CNTN5: variants seen among roughly 807,000 people sequenced by gnomAD.
The protein encoded by CNTN5 is contactin 5.
CNTN5 carries 77 observed loss-of-function variants against 129.1 expected under a neutral mutation model. That is an observed-to-expected ratio of 0.60 (90% CI 0.50 to 0.72). The LOEUF is 0.72. Among genes scored for constraint, CNTN5 ranks in the 30% least tolerant of loss-of-function variants. CNTN5 has a pLI of 0.00. For synonymous variants in CNTN5, 509 were observed against 465.6 expected (o/e 1.09, Z -1.20); for missense variants, 1,478 against 1,328.8 (o/e 1.11, Z -1.75).
chr11:100,044,026 C>T (rs1203281712), intron 9 of CNTN5, among the ~76,000 whole-genome samples: 2 of 151,748 alleles, frequency 1.3e-5, no homozygotes, highest in African/African-American at 2.4e-5. Flanking sequence ...TTTCTTATCC[C>T]TCACCTTTCT....
chr11:99,375,302 C>CA (rs397848951), intron 2 of CNTN5, among the ~76,000 whole-genome samples: 1,740 of 52,930 alleles, frequency 0.033, 57 homozygotes, highest in African/African-American at 0.05. Context: ...GAGTCTGTCT[C>CA]AAAAAAAAAA....
chr11:99,626,784 A>G (rs1451433301), intron 3 of CNTN5, among the ~76,000 whole-genome samples: 1 of 152,152 alleles, frequency 6.6e-6, no homozygotes, highest in Non-Finnish European at 1.5e-5. Flanking sequence ...TGAAATATTC[A>G]CAACACAGTG....
At chr11:99,743,595 C>A (rs887010089) in intron 3 of CNTN5, among the ~76,000 whole-genome samples, 1 of 152,118 alleles carries the variant, frequency 6.6e-6, no homozygotes, top group Non-Finnish European at 1.5e-5. Flanking sequence ...GTTTCTTACA[C>A]CATCATACAT....
At chr11:100,134,509 T>G (rs950576355) in intron 13 of CNTN5, among the ~76,000 whole-genome samples, 1 of 152,312 alleles carries the variant, frequency 6.6e-6, no homozygotes, top group East Asian at 1.9e-4. Flanking sequence ...TAATAAATGA[T>G]AAACTGGAGT....
chr11:99,931,192 T>C (rs1474095815), intron 7 of CNTN5, among the ~76,000 whole-genome samples: 2 of 152,320 alleles, frequency 1.3e-5, no homozygotes, highest in Non-Finnish European at 2.9e-5. Context: ...AATATTTCAA[T>C]AGAAAAATGT....
intron 1 of CNTN5, among the ~76,000 whole-genome samples, chr11:99,084,013 A>C (rs1246713975): frequency 1.3e-5 from 2 of 152,206 alleles, no homozygotes. Flanking sequence ...TAATTGCTCT[A>C]TTTTACCAAT....
intron 9 of CNTN5, among the ~76,000 whole-genome samples, chr11:100,022,210 G>T (rs1017377264): frequency 2.6e-5 from 4 of 152,150 alleles, no homozygotes; most frequent in Non-Finnish European, 5.9e-5. Context: ...TTTGCAAGGT[G>T]TATTATTTAA....
chr11:100,189,845 T>A (rs1022729495), intron 13 of CNTN5, among the ~76,000 whole-genome samples: 1 of 152,126 alleles, frequency 6.6e-6, no homozygotes. Context: ...CCATTTCTAG[T>A]TTGACTTTTT....
chr11:99,664,587 T>G (rs1952716572), intron 3 of CNTN5, among the ~76,000 whole-genome samples: 1 of 152,322 alleles, frequency 6.6e-6, no homozygotes, highest in South Asian at 2.1e-4. Context: ...TTTATTACAT[T>G]AGAATTATAA....
chr11:99,747,030 A>G (rs1052500440), intron 3 of CNTN5, among the ~76,000 whole-genome samples: 6 of 152,210 alleles, frequency 3.9e-5, no homozygotes, highest in East Asian at 1.9e-4. Flanking sequence ...CATTGCAACA[A>G]TATTCATTCT....
At chr11:100,019,496 C>T (rs1242903018) in intron 9 of CNTN5, among the ~76,000 whole-genome samples, 2 of 151,930 alleles carry the variant, frequency 1.3e-5, no homozygotes, top group Admixed American at 1.3e-4. Flanking sequence ...CCTCCAGGTT[C>T]ATCCATGTTG....
intron 2 of CNTN5, among the ~76,000 whole-genome samples, chr11:99,523,983 G>A (rs1016888618): frequency 1.3e-5 from 2 of 152,150 alleles, no homozygotes; most frequent in African/African-American, 4.8e-5. Flanking sequence ...TTTCTCCAGA[G>A]CTGTGCCAAA....
intron 23 of CNTN5, among the ~76,000 whole-genome samples, chr11:100,344,465 A>G (rs1424255621): frequency 2.6e-5 from 4 of 152,112 alleles, no homozygotes; most frequent in Non-Finnish European, 4.4e-5. Context: ...AAAGATAGAG[A>G]CTGGTGGTTA....
At chr11:99,022,939 T>C (rs887231755) in intron 1 of CNTN5, among the ~76,000 whole-genome samples, 4 of 152,148 alleles carry the variant, frequency 2.6e-5, no homozygotes, top group African/African-American at 9.7e-5. Context: ...CATAGACAAC[T>C]GAACAGAAAG....
At chr11:99,120,215 A>T (rs1591225073) in intron 1 of CNTN5, 1 of 152,182 alleles carries the variant, frequency 6.6e-6, no homozygotes, top group Admixed American at 6.5e-5. Context: ...GTCACCCCAC[A>T]GATCACCAGT....
chr11:99,952,736 T>C (rs975511725), intron 7 of CNTN5, among the ~76,000 whole-genome samples: 18 of 152,312 alleles, frequency 1.2e-4, no homozygotes, highest in African/African-American at 4.3e-4. Flanking sequence ...ATTATAAATA[T>C]GATTTTTGGC....
chr11:100,193,753 GA>G (rs374672252), intron 15 of CNTN5, 90 bp downstream of exon 15: 3,825 of 765,910 alleles, frequency 5.0e-3, no homozygotes, highest in South Asian at 7.1e-3. Flanking sequence ...GAAGTGCTAA[GA>G]AAAAAAAAAA....
At chr11:99,806,262 T>C (rs1251611897) in intron 3 of CNTN5, among the ~76,000 whole-genome samples, 4 of 152,190 alleles carry the variant, frequency 2.6e-5, no homozygotes, top group African/African-American at 9.7e-5. Context: ...ATCTCATCTC[T>C]TAGATATTCT....
chr11:99,666,412 A>C (rs1369673839), intron 3 of CNTN5, among the ~76,000 whole-genome samples: 1 of 152,162 alleles, frequency 6.6e-6, no homozygotes, highest in Non-Finnish European at 1.5e-5. Context: ...AGAAATGAGC[A>C]AAGAGACTTT....
Sources: gnomAD v4.1 joint callset for allele counts (sites outside exome capture counted in the v4.1 genomes callset) on GRCh38, gnomAD v4.1.1 for gene constraint, MANE v1.5 for transcripts, NCBI Gene and HGNC (gene_info 2026-07-23, HGNC 2026-07-21) for gene names.